Variants in DPP10 observed in about 807,000 individuals in gnomAD.
DPP10 encodes inactive dipeptidyl peptidase 10.
A neutral mutation model predicts 120.9 loss-of-function variants in DPP10; 33 were observed. The observed-to-expected ratio is 0.27, with a 90% CI of 0.21 to 0.37. The LOEUF is 0.37. Among genes scored for constraint, DPP10 ranks in the 10% least tolerant of loss-of-function variants. DPP10 has a pLI of 1.00. For synonymous variants in DPP10, 337 were observed against 326.1 expected (o/e 1.03, Z -0.36); for missense variants, 816 against 942.8 (o/e 0.87, Z 1.76).
chr2:115,349,800 C>A (rs1408482327), intron 3 of DPP10, among the ~76,000 whole-genome samples: 2 of 151,984 alleles, frequency 1.3e-5, no homozygotes, highest in Admixed American at 1.3e-4. Context: ...AATTATTGTC[C>A]ATCAACTTCA....
intron 3 of DPP10, among the ~76,000 whole-genome samples, chr2:115,392,989 C>A (rs1272757579): frequency 6.6e-6 from 1 of 152,008 alleles, no homozygotes; most frequent in African/African-American, 2.4e-5. Flanking sequence ...TTTCCTTTGT[C>A]ATTTATATTA....
At chr2:115,710,667 G>T (rs2092287999) in intron 7 of DPP10, among the ~76,000 whole-genome samples, 1 of 152,032 alleles carries the variant, frequency 6.6e-6, no homozygotes, top group Admixed American at 6.6e-5. Context: ...CCTTCAAAAT[G>T]ATTGACTTAA....
chr2:114,566,282 G>C (rs1316087923), intron 1 of DPP10, among the ~76,000 whole-genome samples: 2 of 152,036 alleles, frequency 1.3e-5, no homozygotes, highest in Non-Finnish European at 2.9e-5. Context: ...ACTGTGCCAG[G>C]ATATTTTACT....
At chr2:115,106,166 G>A (rs1006757867) in intron 1 of DPP10, among the ~76,000 whole-genome samples, 5 of 152,218 alleles carry the variant, frequency 3.3e-5, no homozygotes, top group African/African-American at 1.2e-4. Flanking sequence ...TATTCTTCTT[G>A]TCAATGCCAT....
Position 115,583,081 on chromosome 2 carries a change from CAA to C in DPP10, c.441+57111_441+57112del, listed in dbSNP as rs374655427. Among the ~76,000 whole-genome samples the C allele has an allele frequency of 1.8e-4, 27 of 152,268 alleles. No homozygotes were observed. In the East Asian group the frequency reaches 4.8e-3, roughly 27 times the overall value. On this transcript the variant is annotated intron_variant, in intron 5 of 25. Transcript: ENST00000410059. ...AGAAGAGGAATTTAAATCCAACAAA[CAA>C]AGAGAAAATAGTGCACTGAATATTT... is the stretch of plus-strand genomic sequence containing the variant.
intron 3 of DPP10, among the ~76,000 whole-genome samples, chr2:115,379,489 C>T (rs1161863055): frequency 2.0e-5 from 3 of 151,942 alleles, no homozygotes; most frequent in Non-Finnish European, 4.4e-5. Flanking sequence ...TTTGTTGATC[C>T]TTTCAAAAAA....
intron 5 of DPP10, among the ~76,000 whole-genome samples, chr2:115,636,999 G>A (rs1400884716): frequency 6.6e-6 from 1 of 152,150 alleles, no homozygotes; most frequent in African/African-American, 2.4e-5. Context: ...TCAGTGAGCT[G>A]AAATAGCTTA....
intron 1 of DPP10, among the ~76,000 whole-genome samples, chr2:114,704,957 G>T (rs1036408913): frequency 1.3e-5 from 2 of 152,140 alleles, no homozygotes; most frequent in African/African-American, 4.8e-5. Flanking sequence ...ACAGTGAGAA[G>T]GTAGCCATCT....
At chr2:114,648,358 A>C (rs1696297735) in intron 1 of DPP10, among the ~76,000 whole-genome samples, 2 of 152,170 alleles carry the variant, frequency 1.3e-5, no homozygotes, top group South Asian at 4.1e-4. Context: ...GACCCTTCAC[A>C]GTTCTTGACA....
intron 5 of DPP10, among the ~76,000 whole-genome samples, chr2:115,666,038 C>G (rs919338475): frequency 2.0e-5 from 3 of 152,074 alleles, no homozygotes; most frequent in Admixed American, 1.3e-4. Flanking sequence ...TTAGTCCTCT[C>G]CCTCCTCCCA....
At chr2:114,769,554 T>C (rs1233893446) in intron 1 of DPP10, among the ~76,000 whole-genome samples, 1 of 152,200 alleles carries the variant, frequency 6.6e-6, no homozygotes, top group African/African-American at 2.4e-5. Flanking sequence ...GAATTTTGTT[T>C]TGATGCTTTT....
chr2:114,595,892 C>T (rs757133833), intron 1 of DPP10, among the ~76,000 whole-genome samples: 1 of 152,094 alleles, frequency 6.6e-6, no homozygotes, highest in Non-Finnish European at 1.5e-5. Context: ...TTACTTTCAA[C>T]CAGATTTTGA....
In DPP10 at chr2:115,710,139, GAA is replaced by G. The variant is rs1195341457; in HGVS notation, c.577-17673_577-17672del. 3.9e-5 allele frequency among the ~76,000 whole-genome samples: 6 copies of G among 152,038 alleles called. No homozygotes were observed. In the East Asian group the frequency reaches 1.2e-3, roughly 29 times the overall value. ...GAAATAAAGACAGTTTCTGACTAAA[GAA>G]AAATAAGGGACCCACACTACAAAAT... On this transcript the variant is annotated intron_variant, in intron 7 of 25. Coordinates refer to ENST00000410059, the MANE Select transcript of DPP10 (RefSeq NM_020868.6).
intron 1 of DPP10, among the ~76,000 whole-genome samples, chr2:114,602,172 AGTTG>A (rs1692425775): frequency 6.6e-6 from 1 of 151,904 alleles, no homozygotes; most frequent in Non-Finnish European, 1.5e-5. Context: ...GAGCCATGAA[AGTTG>A]AATTTTCCAA....
intron 1 of DPP10, among the ~76,000 whole-genome samples, chr2:115,079,331 A>T (rs1028334455): frequency 6.6e-6 from 1 of 151,028 alleles, no homozygotes; most frequent in African/African-American, 2.4e-5. Flanking sequence ...AGTGAGCTGC[A>T]CTCCAGCCTG....
chr2:115,093,639 G>T (rs1207384244), intron 1 of DPP10, among the ~76,000 whole-genome samples: 1 of 151,996 alleles, frequency 6.6e-6, no homozygotes, highest in Non-Finnish European at 1.5e-5. Flanking sequence ...ACTGTAATAA[G>T]TTAAAAAGTT....
At chr2:115,669,093 T>G (rs773788528) in intron 5 of DPP10, among the ~76,000 whole-genome samples, 1 of 152,140 alleles carries the variant, frequency 6.6e-6, no homozygotes, top group Non-Finnish European at 1.5e-5. Context: ...GGATCTGGTT[T>G]CTTAGACTAG....
chr2:115,041,911 A>G (rs1303629144), intron 1 of DPP10, among the ~76,000 whole-genome samples: 1 of 152,010 alleles, frequency 6.6e-6, no homozygotes, highest in Admixed American at 6.5e-5. Context: ...TCCTCTGTCA[A>G]TAGGCCATTC....
intron 1 of DPP10, among the ~76,000 whole-genome samples, chr2:115,193,629 A>C (rs2055038749): frequency 6.6e-6 from 1 of 152,122 alleles, no homozygotes; most frequent in African/African-American, 2.4e-5. Context: ...AATTTTTCCA[A>C]ATGTATGGAC....
Sources: allele counts gnomAD v4.1 joint callset (sites outside exome capture counted in the v4.1 genomes callset), GRCh38; gene constraint gnomAD v4.1.1; transcripts MANE v1.5; gene names NCBI Gene and HGNC (gene_info 2026-07-23, HGNC 2026-07-21).